CRACR2A: variants seen among roughly 807,000 people sequenced by gnomAD.
CRACR2A encodes the protein EF-hand calcium-binding domain-containing protein 4B.
A neutral mutation model predicts 90.5 loss-of-function variants in CRACR2A; 79 were observed. The observed-to-expected ratio is 0.87, with a 90% confidence interval of 0.73 to 1.05. The LOEUF (loss-of-function observed/expected upper bound fraction) is 1.05. Among genes scored for constraint, CRACR2A ranks in the 50% least tolerant of loss-of-function variants. The pLI is 0.00. For missense variants in CRACR2A, 823 were observed against 897.2 expected (o/e 0.92, Z 1.06); for synonymous variants, 338 against 356.7 (o/e 0.95, Z 0.59).
Position 3,654,329 on chromosome 12 carries a change from A to C in CRACR2A, c.929T>G (p.Leu310Arg), listed in dbSNP as rs757892467. 2.5e-6 allele frequency: 4 copies of C among 1,613,904 alleles called. No homozygotes were observed. In the Admixed American group the frequency reaches 5.0e-5, roughly 20 times the overall value. Residue 310 changes from leucine (L) to arginine (R), a missense_variant, in exon 10 of 20, where the codon CTC becomes CGC. Physicochemically the swap from Leu to Arg is moderately radical, Grantham distance 102. Transcript: ENST00000440314. ...CTCCCGGGCCAGCTCCTGGTTAGTG[A>C]GTTTCAGCTTGGTATTCTCAGCCTT... ...ETKAENTKLK[L>R]TNQELARELE... is the part of the protein sequence containing the mutation.
intron 1 of CRACR2A, among the ~76,000 whole-genome samples, chr12:3,750,147 G>C (rs1209737389): frequency 6.6e-6 from 1 of 152,002 alleles, no homozygotes; most frequent in Admixed American, 6.6e-5. Context: ...CGTTGGCCAG[G>C]CTGGTCTCGA....
chr12:3,673,465 G>T lies in CRACR2A; in HGVS notation c.652C>A (p.Leu218Met). ...ACCCACCTTTTTAGGGCACACTCCA[G>T]TTCATTCTTCTCCTCATGGGCTTCT... ...LQEAHEEKNE[L>M]ECALKRKIAA... Residue 218 changes from leucine to methionine, a missense_variant, in exon 7 of 20, where the codon CTG (leucine) becomes ATG (methionine). Transcript: ENST00000440314. 6.2e-7 allele frequency: 1 copy of T among 1,613,940 alleles called. No individual in the cohort carries two copies. The highest frequency in any genetic ancestry group is 1.1e-5 in the South Asian group (1 of 91,020).
chr12:3,645,099 A>G (rs552234142), intron 11 of CRACR2A, among the ~76,000 whole-genome samples: 1 of 152,378 alleles, frequency 6.6e-6, no homozygotes, highest in African/African-American at 2.4e-5. Context: ...GGTCACACCA[A>G]TGACCAAAAC....
intron 6 of CRACR2A, among the ~76,000 whole-genome samples, chr12:3,676,814 G>A (rs1414801162): frequency 6.6e-6 from 1 of 152,056 alleles, no homozygotes; most frequent in Non-Finnish European, 1.5e-5. Flanking sequence ...TAAAATCAAG[G>A]TTCACCTTGC....
intron 1 of CRACR2A, among the ~76,000 whole-genome samples, chr12:3,747,695 G>A (rs1439958546): frequency 1.3e-5 from 2 of 152,218 alleles, no homozygotes; most frequent in Non-Finnish European, 1.5e-5. Context: ...TGGTGCTGCT[G>A]TGAGTTTAAA....
Position 3,633,667 on chromosome 12 carries a change from T to C in CRACR2A, c.1672A>G (p.Lys558Glu). The C allele has an allele frequency of 6.4e-7, 1 of 1,551,606 alleles. No individual in the cohort carries two copies. Among genetic ancestry groups the C allele is most frequent in the Non-Finnish European group, 8.7e-7 (1 of 1,146,980 alleles). Reference sequence around the variant, plus strand: ...CAGAATCTCCTCAGGAAGGATGTCTTCCCCACCGCGGAATTGCCCACGAAC... The same window carrying C: ...CAGAATCTCCTCAGGAAGGATGTCTCCCCCACCGCGGAATTGCCCACGAAC... ...IVFVGNSAVG[K>E]TSFLRRFCED... Residue 558 changes from lysine to glutamate, a missense_variant, in exon 15 of 20, where the codon AAG (lysine) becomes GAG (glutamate). Physicochemically the swap from Lys to Glu is moderately conservative, Grantham distance 56. Transcript: ENST00000440314. The surrounding 1 kb of genome is among the most constrained non-coding windows in gnomAD (Gnocchi z 4.5).
At position 3,659,481 on chromosome 12, in the gene CRACR2A, G is replaced by T. The variant is rs1944983593; in HGVS notation, c.762+83C>A. On this transcript the variant is annotated intron_variant, in intron 8 of 19. Transcript: ENST00000440314. ...AGGGAATCAATAGTGCATGGATGGG[G>T]GCACCAAAATCTTAAACCTGGGGGA... 2.4e-6 allele frequency: 3 copies of T among 1,233,204 alleles called. No individual in the cohort carries two copies. In the South Asian group the frequency reaches 3.8e-5, roughly 16 times the overall value. The allele number at this position is 1,233,204 out of a possible 1,614,324, so 76.4% of individuals were successfully genotyped here.
In CRACR2A at chr12:3,708,940, A is replaced by G. The variant is rs548957059; in HGVS notation, c.-37+4297T>C. On this transcript the variant is annotated intron_variant, in intron 3 of 19. Transcript: ENST00000440314. Reference sequence around the variant, plus strand: ...CTAGGCCCTTAACTCTTAGCACTCTATTCTCAAAGCCTCTCTTTCTCTTGG... The same window carrying G: ...CTAGGCCCTTAACTCTTAGCACTCTGTTCTCAAAGCCTCTCTTTCTCTTGG... Among the ~76,000 whole-genome samples, 6 of 152,294 alleles carry G rather than the reference A, an allele frequency of 3.9e-5. No individual in the cohort carries two copies. In the East Asian group the frequency reaches 1.2e-3, roughly 29 times the overall value.
chr12:3,653,825 T>G (rs149573193), intron 10 of CRACR2A, among the ~76,000 whole-genome samples: 6 of 152,344 alleles, frequency 3.9e-5, no homozygotes, highest in Non-Finnish European at 8.8e-5. Flanking sequence ...TCACTTAGGA[T>G]CTGTCTGCTC....
chr12:3,737,001 C>T (rs529037529), intron 1 of CRACR2A, among the ~76,000 whole-genome samples: 3 of 152,210 alleles, frequency 2.0e-5, no homozygotes, highest in Non-Finnish European at 1.5e-5. Context: ...GGGTGATGAA[C>T]TCAGCCCTTA....
chr12:3,633,870 A>T lies in CRACR2A; in HGVS notation c.1603-134T>A, dbSNP rs1340598600. ...GACCGGCCTCTAGACCTGCACCAGG[A>T]GGCTGCCACAGCCTCAGAATGCAGT... On this transcript the variant is annotated intron_variant, in intron 14 of 19. Coordinates refer to ENST00000440314, the MANE Select transcript of CRACR2A (RefSeq NM_001144958.2). This position sits in a 1 kb window ranked among gnomAD's most constrained non-coding sequence, Gnocchi z 4.5. 2 of 1,213,112 alleles carry T rather than the reference A, an allele frequency of 1.6e-6. No homozygotes were observed. The highest frequency in any genetic ancestry group is 3.0e-5 in the African/African-American group (2 of 66,062). The allele number at this position is 1,213,112 out of a possible 1,614,324, so 75.1% of individuals were successfully genotyped here.
At chr12:3,739,208 T>C (rs1338063352) in intron 1 of CRACR2A, among the ~76,000 whole-genome samples, 2 of 152,230 alleles carry the variant, frequency 1.3e-5, no homozygotes, top group Admixed American at 1.3e-4. Flanking sequence ...TTGAAAAAGT[T>C]ACAGATTGGT....
chr12:3,740,770 T>A (rs1168164381), intron 1 of CRACR2A, among the ~76,000 whole-genome samples: 1 of 152,200 alleles, frequency 6.6e-6, no homozygotes, highest in African/African-American at 2.4e-5. Flanking sequence ...GTGCCTGGAT[T>A]TGAATTCTGG....
At position 3,713,938 on chromosome 12, in the gene CRACR2A, C is replaced by T. The variant is rs573490789; in HGVS notation, c.-117-621G>A. ...GAGCAATTTTACAGAATGCTTTGGC[C>T]ACATGCTGCGTAGCATGGTCTGAGA... On this transcript the variant is annotated intron_variant, in intron 2 of 19. Transcript: ENST00000440314. Among the ~76,000 whole-genome samples, 168 of 152,256 alleles carry T rather than the reference C, an allele frequency of 1.1e-3. 2 individuals carry two copies. Among genetic ancestry groups the T allele is most frequent in the Non-Finnish European group, 1.2e-3 (80 of 68,022 alleles).
chr12:3,672,572 C>A (rs766485680), intron 7 of CRACR2A, among the ~76,000 whole-genome samples: 86 of 152,348 alleles, frequency 5.6e-4, no homozygotes, highest in Non-Finnish European at 1.0e-3. Flanking sequence ...ATGAACCATC[C>A]CTAGTCATAC....
chr12:3,625,478 C>T (rs928825323), intron 17 of CRACR2A, among the ~76,000 whole-genome samples: 192 of 151,534 alleles, frequency 1.3e-3, no homozygotes, highest in African/African-American at 4.5e-3. Flanking sequence ...TCCCATTAAT[C>T]CCAGACCACC....
At chr12:3,696,308 G>A (rs1945739139) in intron 4 of CRACR2A, among the ~76,000 whole-genome samples, 1 of 152,244 alleles carries the variant, frequency 6.6e-6, no homozygotes, top group Non-Finnish European at 1.5e-5. Context: ...AATCTCTTCA[G>A]GAGATTGCAG....
chr12:3,668,563 G>A (rs987220702), intron 7 of CRACR2A, among the ~76,000 whole-genome samples: 5 of 152,202 alleles, frequency 3.3e-5, no homozygotes, highest in Non-Finnish European at 1.5e-5. Context: ...CCAGGAATAT[G>A]AGGCTTTATT....
chr12:3,682,877 G>A (rs1247153579), intron 4 of CRACR2A, among the ~76,000 whole-genome samples: 1 of 151,866 alleles, frequency 6.6e-6, no homozygotes, highest in South Asian at 2.1e-4. Flanking sequence ...CCGCCTCCCG[G>A]GTTCAAGTGA....
Sources: gnomAD v4.1 joint callset for allele counts (sites outside exome capture counted in the v4.1 genomes callset) on GRCh38, gnomAD v4.1.1 for gene constraint, Gnocchi (gnomAD v3.1) non-coding constraint, MANE v1.5 for transcripts, NCBI Gene and HGNC (gene_info 2026-07-23, HGNC 2026-07-21) for gene names.